Variants in FA2H observed in about 807,000 individuals in gnomAD.
FA2H encodes the protein fatty acid alpha-hydroxylase.
A neutral mutation model predicts 44.9 loss-of-function variants in FA2H; 22 were observed. The observed-to-expected ratio is 0.49, with a 90% CI of 0.35 to 0.70. The LOEUF (loss-of-function observed/expected upper bound fraction) is 0.70. FA2H is among the 30% of genes least tolerant of loss of function. The pLI, the probability that FA2H is intolerant of heterozygous loss-of-function variation, is 0.01. For missense variants in FA2H, 501 were observed against 504.9 expected (o/e 0.99, Z 0.07); for synonymous variants, 243 against 213.2 (o/e 1.14, Z -1.22).
At chr16:74,741,348 G>C (rs1328420945) in intron 1 of FA2H, 1 of 152,230 alleles carries the variant, frequency 6.6e-6, no homozygotes, top group Admixed American at 6.5e-5. Flanking sequence ...GATGGTGACA[G>C]TGACTATTTT....
chr16:74,763,318 C>T lies in FA2H; in HGVS notation c.270+11168G>A, dbSNP rs991833528. 4.6e-5 allele frequency among the ~76,000 whole-genome samples: 7 copies of T among 151,914 alleles called. No individual in the cohort carries two copies. In the East Asian group the frequency reaches 7.7e-4, roughly 17 times the overall value. ...TGTTACCCAGGCTGGAGTGCAGTGG[C>T]GTGATTTCCATTCACTGCAACCTCA... On this transcript the variant is annotated intron_variant, in intron 1 of 6. Transcript: ENST00000219368.
Position 74,726,284 on chromosome 16 carries a change from C to T in FA2H, c.554G>A (p.Trp185Ter), listed in dbSNP as rs752546362. ...CTGGGCAAAGGTTCGGTAGTAGGAC[C>T]AGCTGAGATACAGCACCAGGGGCAC... ...IWVPLVLYLS[W>*]SYYRTFAQGN... is the part of the protein sequence containing the mutation. The change falls in exon 4 of 7, where the codon TGG becomes TAG. Residue 185 changes from tryptophan (W) to a stop codon, truncating the protein, a stop_gained. Coordinates refer to ENST00000219368, the MANE Select transcript of FA2H (RefSeq NM_024306.5). LOFTEE classifies it high-confidence loss of function. The T allele has an allele frequency of 6.2e-7, 1 of 1,614,114 alleles. No homozygotes were observed. The highest frequency in any genetic ancestry group is 8.5e-7 in the Non-Finnish European group (1 of 1,180,012).
At chr16:74,745,399 G>A (rs1198256153) in intron 1 of FA2H, among the ~76,000 whole-genome samples, 1 of 152,228 alleles carries the variant, frequency 6.6e-6, no homozygotes, top group Non-Finnish European at 1.5e-5. Flanking sequence ...TCGACTCTGA[G>A]AGCCCTCCCC....
intron 6 of FA2H, among the ~76,000 whole-genome samples, chr16:74,714,544 C>G (rs948643246): frequency 6.6e-6 from 1 of 151,916 alleles, no homozygotes; most frequent in African/African-American, 2.4e-5. Context: ...CCTCCATCTC[C>G]TTCCCCTTCC....
intron 4 of FA2H, 68 bp from the exon 5 acceptor site, chr16:74,719,228 G>T (rs923346045): frequency 7.0e-7 from 1 of 1,420,600 alleles, no homozygotes; most frequent in Non-Finnish European, 9.8e-7. Flanking sequence ...AGGTGTCCCT[G>T]CCTCACCATC....
At position 74,713,907 on chromosome 16, in the gene FA2H, C is replaced by G. The variant is rs80215625; in HGVS notation, c.*283G>C. ...CCCTTGCGGCTGCTACCTGTGGCCACGGCCTGAAGCAGTCCTGTGGGCTGA... is the reference window on the plus strand; with the variant it reads ...CCCTTGCGGCTGCTACCTGTGGCCAGGGCCTGAAGCAGTCCTGTGGGCTGA... On this transcript the variant is annotated 3_prime_UTR_variant, in exon 7 of 7. Coordinates refer to ENST00000219368, the MANE Select transcript of FA2H (RefSeq NM_024306.5). 0.031 allele frequency: 13,528 copies of G among 432,770 alleles called. 1,071 individuals carry two copies. The highest frequency in any genetic ancestry group is 0.21 in the African/African-American group (10,461 of 51,026). The allele number at this position is 432,770 out of a possible 1,614,324, so 26.8% of individuals were successfully genotyped here.
intron 6 of FA2H, among the ~76,000 whole-genome samples, chr16:74,715,553 T>C (rs1454625206): frequency 6.6e-6 from 1 of 152,202 alleles, no homozygotes; most frequent in Non-Finnish European, 1.5e-5. Flanking sequence ...CCGCCTCCTA[T>C]AGTGCTGGGA....
intron 1 of FA2H, among the ~76,000 whole-genome samples, chr16:74,764,286 C>G (rs2144661744): frequency 6.6e-6 from 1 of 152,274 alleles, no homozygotes; most frequent in African/African-American, 2.4e-5. Flanking sequence ...CATTGCAGCA[C>G]TGTTCACAAC....
intron 2 of FA2H, among the ~76,000 whole-genome samples, chr16:74,734,112 C>T (rs952814465): frequency 2.6e-5 from 4 of 152,212 alleles, no homozygotes; most frequent in Non-Finnish European, 5.9e-5. Context: ...TTCTTATGTC[C>T]CAAGGCTCGG....
chr16:74,723,376 C>T (rs926081832), intron 4 of FA2H, among the ~76,000 whole-genome samples: 4 of 152,188 alleles, frequency 2.6e-5, no homozygotes, highest in Non-Finnish European at 4.4e-5. Context: ...CTCTGCCTCT[C>T]AGCTCAATCC....
chr16:74,715,092 C>A (rs1345827047), intron 6 of FA2H, among the ~76,000 whole-genome samples: 1 of 152,062 alleles, frequency 6.6e-6, no homozygotes, highest in East Asian at 1.9e-4. Flanking sequence ...CCCGTCTCGG[C>A]CTCCTCAAGT....
chr16:74,728,253 G>A (rs1414424376), intron 2 of FA2H, among the ~76,000 whole-genome samples: 5 of 152,250 alleles, frequency 3.3e-5, no homozygotes, highest in South Asian at 2.1e-4. Context: ...TCGAGACTCC[G>A]TCTCTTCAAA....
At chr16:74,721,840 G>A (rs953338293) in intron 4 of FA2H, among the ~76,000 whole-genome samples, 4 of 152,206 alleles carry the variant, frequency 2.6e-5, no homozygotes, top group South Asian at 2.1e-4. Flanking sequence ...GTACCCTGGC[G>A]CATCCTCCTT....
chr16:74,734,641 G>A (rs2144626930), intron 2 of FA2H, among the ~76,000 whole-genome samples: 1 of 152,338 alleles, frequency 6.6e-6, no homozygotes, highest in Non-Finnish European at 1.5e-5. Context: ...GGGCGGAAGG[G>A]CATGGTGCCC....
At chr16:74,729,931 G>A (rs1342924626) in intron 2 of FA2H, among the ~76,000 whole-genome samples, 1 of 152,124 alleles carries the variant, frequency 6.6e-6, no homozygotes, top group Non-Finnish European at 1.5e-5. Flanking sequence ...CACAGGCAGG[G>A]AGAGGAGGGG....
chr16:74,761,103 T>C (rs923904835), intron 1 of FA2H, among the ~76,000 whole-genome samples: 1 of 152,032 alleles, frequency 6.6e-6, no homozygotes, highest in Non-Finnish European at 1.5e-5. Context: ...CGTGTACCCC[T>C]AAAGTTAAAA....
chr16:74,738,126 T>G (rs1349488352), intron 2 of FA2H, among the ~76,000 whole-genome samples: 2 of 151,886 alleles, frequency 1.3e-5, no homozygotes, highest in Non-Finnish European at 2.9e-5. Flanking sequence ...CCGTCCAGAG[T>G]AGGCCTCCAC....
intron 1 of FA2H, 43 bp from the exon 2 acceptor site, chr16:74,740,158 G>A: frequency 3.9e-6 from 6 of 1,524,668 alleles, no homozygotes; most frequent in Non-Finnish European, 5.5e-6. Context: ...AGTGGGTGAG[G>A]GAAGAGGGCA....
intron 4 of FA2H, 53 bp from the exon 5 acceptor site, chr16:74,719,213 G>C: frequency 1.3e-6 from 2 of 1,528,402 alleles, no homozygotes; most frequent in Admixed American, 3.4e-5. Flanking sequence ...CAGCCTGGTA[G>C]CTCCAGGTGT....
Sources: gnomAD v4.1 joint callset for allele counts (sites outside exome capture counted in the v4.1 genomes callset) on GRCh38, gnomAD v4.1.1 for gene constraint, MANE v1.5 for transcripts, NCBI Gene and HGNC (gene_info 2026-07-23, HGNC 2026-07-21) for gene names.